The following ZDHHC15 variants were observed in gnomAD, a reference collection of about 807,000 sequenced individuals.
ZDHHC15 encodes the protein palmitoyltransferase ZDHHC15.
ZDHHC15 carries 19 observed loss-of-function variants against 31.7 expected under a neutral mutation model. That is an observed-to-expected ratio of 0.60 (90% CI 0.42 to 0.88). The LOEUF is 0.88. Among genes scored for constraint, ZDHHC15 ranks in the 40% least tolerant of loss-of-function variants. ZDHHC15 has a pLI of 0.00. For synonymous variants in ZDHHC15, 103 were observed against 90.0 expected (o/e 1.14, Z -0.82); for missense variants, 209 against 251.2 (o/e 0.83, Z 1.14).
intron 10 of ZDHHC15, among the ~76,000 whole-genome samples, chrX:75,399,562 TAAAC>T (rs2083333909): frequency 9.0e-6 from 1 of 111,023 alleles, no homozygotes; most frequent in African/African-American, 3.3e-5. Context: ...AGGAGTCAAG[TAAAC>T]GACCCTTGGT....
chrX:75,494,596 T>C (rs772111999), intron 2 of ZDHHC15, among the ~76,000 whole-genome samples: 14 of 111,536 alleles, frequency 1.3e-4, no homozygotes, highest in African/African-American at 4.6e-4. Context: ...TATAGACCAA[T>C]GGAACAGAAC....
In ZDHHC15 at chrX:75,369,384, G is replaced by T. The variant is rs1402474227; in HGVS notation, c.*3594C>A. The T allele has an allele frequency of 1.8e-5, 2 of 110,432 alleles. No individual in the cohort carries two copies. Among genetic ancestry groups the T allele is most frequent in the African/African-American group, 6.6e-5 (2 of 30,329 alleles). The allele number at this position is 110,432 out of a possible 1,213,427, so 9.1% of individuals were successfully genotyped here. ...ATGTATGTAGATATGTGTGATGAGA[G>T]GTGAAAAGAATAGGCTTTCAATGAC... On this transcript the variant is annotated 3_prime_UTR_variant, in exon 12 of 12. Transcript: ENST00000373367.
chrX:75,392,800 A>G (rs2083261036), intron 10 of ZDHHC15, among the ~76,000 whole-genome samples: 1 of 111,963 alleles, frequency 8.9e-6, no homozygotes, highest in Admixed American at 9.4e-5. Flanking sequence ...CAAAACAAGG[A>G]GGAAATACTC....
At chrX:75,483,874 A>G (rs2084734476) in intron 2 of ZDHHC15, among the ~76,000 whole-genome samples, 2 of 111,384 alleles carry the variant, frequency 1.8e-5, no homozygotes, top group Admixed American at 9.6e-5. Context: ...TATTGCCTAT[A>G]TGGTGGGTAC....
chrX:75,383,645 C>G (rs1180330699), intron 10 of ZDHHC15, among the ~76,000 whole-genome samples: 1 of 110,544 alleles, frequency 9.0e-6, no homozygotes, highest in Non-Finnish European at 1.9e-5. Context: ...ATTCATTTGA[C>G]CAATAACATA....
At chrX:75,375,934 G>T (rs1295333410) in intron 11 of ZDHHC15, among the ~76,000 whole-genome samples, 1 of 111,598 alleles carries the variant, frequency 9.0e-6, no homozygotes, top group African/African-American at 3.3e-5. Context: ...CCAGTAATGG[G>T]GTTGCTGGGT....
chrX:75,384,289 A>C lies in ZDHHC15; in HGVS notation c.968-5091T>G, dbSNP rs1280397332. 7 of 576,171 alleles carry C rather than the reference A, an allele frequency of 1.2e-5. No homozygotes were observed. The Admixed American group carries it at 1.6e-4, about 13-fold the overall frequency. The allele number at this position is 576,171 out of a possible 1,213,427, so 47.5% of individuals were successfully genotyped here. A position where few individuals can be genotyped will look rare whatever the true frequency, so the allele number is the denominator to read the frequency against. ...GCCAAGGTATCTTGAATTCCTATAT[A>C]GAAAGCTGGTAAATGCCCTTTTGGC... On this transcript the variant is annotated intron_variant, in intron 10 of 11. Coordinates refer to ENST00000373367, the MANE Select transcript of ZDHHC15 (RefSeq NM_144969.3).
intron 2 of ZDHHC15, among the ~76,000 whole-genome samples, chrX:75,484,333 C>T (rs1358988481): frequency 8.9e-6 from 1 of 111,810 alleles, no homozygotes; most frequent in Non-Finnish European, 1.9e-5. Flanking sequence ...GAGACTTATA[C>T]TCAGGCATTT....
intron 10 of ZDHHC15, among the ~76,000 whole-genome samples, chrX:75,414,773 GT>G (rs11454426): frequency 1.5e-4 from 14 of 93,635 alleles, no homozygotes; most frequent in African/African-American, 5.5e-4. Flanking sequence ...GTACAAGTAC[GT>G]TTTTTTTTTG....
chrX:75,437,649 G>C (rs1339786738), intron 4 of ZDHHC15, among the ~76,000 whole-genome samples: 1 of 104,730 alleles, frequency 9.5e-6, no homozygotes, highest in African/African-American at 3.5e-5. Flanking sequence ...GTATTCCATG[G>C]TGTATATGTG....
chrX:75,423,621 C>T (rs977137300), intron 8 of ZDHHC15, among the ~76,000 whole-genome samples: 1 of 99,985 alleles, frequency 1.0e-5, no homozygotes, highest in Non-Finnish European at 2.0e-5. Context: ...GTTGATTCCA[C>T]GGCTTTGCTA....
At chrX:75,463,514 T>G (rs1187037648) in intron 3 of ZDHHC15, among the ~76,000 whole-genome samples, 1 of 108,851 alleles carries the variant, frequency 9.2e-6, no homozygotes, top group Non-Finnish European at 1.9e-5. Flanking sequence ...TGGGAGAAAA[T>G]TTTTGCAACC....
intron 10 of ZDHHC15, among the ~76,000 whole-genome samples, chrX:75,391,269 G>A (rs939192054): frequency 8.9e-6 from 1 of 111,819 alleles, no homozygotes; most frequent in African/African-American, 3.2e-5. Context: ...TGGCCTTAAA[G>A]AGGAGGTAGA....
At chrX:75,409,338 A>G (rs1188583307) in intron 10 of ZDHHC15, among the ~76,000 whole-genome samples, 1 of 109,896 alleles carries the variant, frequency 9.1e-6, no homozygotes, top group Non-Finnish European at 1.9e-5. Flanking sequence ...CTAAAAAACA[A>G]AAATTAGACA....
At chrX:75,481,792 C>G (rs1260737068) in intron 2 of ZDHHC15, among the ~76,000 whole-genome samples, 1 of 111,782 alleles carries the variant, frequency 8.9e-6, no homozygotes, top group African/African-American at 3.2e-5. Context: ...TTCCTCAGAG[C>G]AGTGATTCTC....
intron 3 of ZDHHC15, among the ~76,000 whole-genome samples, chrX:75,455,155 G>A (rs952413409): frequency 9.0e-6 from 1 of 111,573 alleles, no homozygotes; most frequent in African/African-American, 3.3e-5. Context: ...GCATGGTACT[G>A]GTACCAAAAC....
chrX:75,416,717 C>T (rs2083552847), intron 10 of ZDHHC15, among the ~76,000 whole-genome samples: 1 of 111,303 alleles, frequency 9.0e-6, no homozygotes, highest in African/African-American at 3.3e-5. Context: ...GAAAATTTAA[C>T]CAATGTGAAT....
chrX:75,401,397 A>C (rs1263295681), intron 10 of ZDHHC15, among the ~76,000 whole-genome samples: 1 of 112,122 alleles, frequency 8.9e-6, no homozygotes. Context: ...TATCAATACT[A>C]ACCTTGAATG....
chrX:75,444,384 C>G (rs181194671), intron 4 of ZDHHC15, among the ~76,000 whole-genome samples: 309 of 101,108 alleles, frequency 3.1e-3, no homozygotes, highest in African/African-American at 0.011. Flanking sequence ...AACCAAACAC[C>G]GCATGTTCTC....
Sources: gnomAD v4.1 joint callset for allele counts (sites outside exome capture counted in the v4.1 genomes callset) on GRCh38, gnomAD v4.1.1 for gene constraint, MANE v1.5 for transcripts, NCBI Gene and HGNC (gene_info 2026-07-23, HGNC 2026-07-21) for gene names.